Variants in MIP observed in about 807,000 individuals in gnomAD.
MIP encodes major intrinsic protein of lens fiber.
MIP carries 14 observed loss-of-function variants against 21.8 expected under a neutral mutation model. The observed-to-expected ratio is 0.64, with a 90% CI of 0.42 to 1.00. The LOEUF (loss-of-function observed/expected upper bound fraction) is 1.00. Among genes scored for constraint, MIP ranks in the 50% least tolerant of loss-of-function variants. The pLI, the probability that MIP is intolerant of heterozygous loss-of-function variation, is 0.00. For synonymous variants in MIP, 133 were observed against 141.4 expected, an observed-to-expected ratio of 0.94 and a Z score of 0.42; for missense variants, 260 against 333.5, an observed-to-expected ratio of 0.78 and a Z score of 1.72.
chr12:56,453,342 A>G (rs1868680392), intron 2 of MIP, among the ~76,000 whole-genome samples, 190 bp from the exon 3 acceptor site: 1 of 152,162 alleles, frequency 6.6e-6, no homozygotes, highest in Admixed American at 6.5e-5. Context: ...CTGGGAACAG[A>G]CTATGGATCC....
chr12:56,453,809 C>A, intron 1 of MIP, 54 bp from the exon 2 acceptor site: 2 of 1,558,100 alleles, frequency 1.3e-6, no homozygotes, highest in South Asian at 1.1e-5. Context: ...ACAGTGTTAC[C>A]TCCTCAAGAC....
intron 2 of MIP, 110 bp downstream of exon 2, chr12:56,453,481 G>T: frequency 2.4e-6 from 3 of 1,241,670 alleles, no homozygotes; most frequent in Non-Finnish European, 3.5e-6. Context: ...GAGTGCAATG[G>T]ACAATGTTCA....
rs1186024691 is a variant in MIP at position 56,450,058 on chromosome 12, T to C, written c.*1222A>G. ...CCCCCTCTCAAAAAAAAAAAGAAGA[T>C]AGGGCTCAAACAAATAATAATCTCC... On this transcript the variant is annotated 3_prime_UTR_variant, in exon 4 of 4. Transcript: ENST00000652304. 1.3e-5 allele frequency: 2 copies of C among 148,236 alleles called. No individual in the cohort carries two copies. Among genetic ancestry groups the C allele is most frequent in the South Asian group, 4.2e-4 (2 of 4,738 alleles). 9.2% of individuals were successfully genotyped at this position (148,236 alleles called of 1,614,324 possible).
At chr12:56,453,017 C>T in intron 3 of MIP, 55 bp downstream of exon 3, 1 of 1,192,566 alleles carries the variant, frequency 8.4e-7, no homozygotes, top group Non-Finnish European at 1.3e-6. Flanking sequence ...CTGGAACCTG[C>T]AGTCCACAAC....
Position 56,454,383 on chromosome 12 carries a change from C to A in MIP, c.231G>T (p.Val77=), listed in dbSNP as rs758534279. The change falls in exon 1 of 4, where the codon GTG becomes GTT. Residue 77 remains valine, a synonymous_variant. Coordinates refer to ENST00000652304, the MANE Select transcript of MIP (RefSeq NM_012064.4). ...CACGGAGCAGGGACATCTGGGAGCC[C>A]ACAAGGAAAGCAAAAGTGACTGCAG... is the stretch of plus-strand genomic sequence containing the variant. The part of the protein sequence containing the change: ...VNPAVTFAFL[V]GSQMSLLRAF... 1.2e-6 allele frequency: 2 copies of A among 1,614,114 alleles called. No individual in the cohort carries two copies. Among genetic ancestry groups the A allele is most frequent in the East Asian group, 4.5e-5 (2 of 44,882 alleles).
chr12:56,453,201 C>G (rs1361498839), intron 2 of MIP, 49 bp from the exon 3 acceptor site: 2 of 1,338,292 alleles, frequency 1.5e-6, no homozygotes, highest in Non-Finnish European at 2.2e-6. Context: ...TGCACCCCAG[C>G]TTCTCTCCCC....
At chr12:56,452,841 T>C in intron 3 of MIP, 3 of 580,496 alleles carry the variant, frequency 5.2e-6, no homozygotes, top group Non-Finnish European at 9.3e-6. Context: ...GAATACTCAG[T>C]GCATACTCCC....
chr12:56,452,823 C>A, intron 3 of MIP: 1 of 546,528 alleles, frequency 1.8e-6, no homozygotes, highest in Non-Finnish European at 3.3e-6. Context: ...GCTAGTTCAG[C>A]AACCAGTGAA....
chr12:56,451,564 A>G, intron 3 of MIP, 99 bp from the exon 4 acceptor site: 1 of 963,212 alleles, frequency 1.0e-6, no homozygotes, highest in Non-Finnish European at 1.6e-6. Flanking sequence ...GATATTGTAC[A>G]CTTGATATCT....
chr12:56,451,792 C>T (rs1382302416), intron 3 of MIP, among the ~76,000 whole-genome samples: 3 of 152,148 alleles, frequency 2.0e-5, no homozygotes, highest in Non-Finnish European at 4.4e-5. Context: ...CTTTGGGAGG[C>T]TGAGACGGGC....
Position 56,453,620 on chromosome 12 carries a change from A to G in MIP, c.496T>C (p.Phe166Leu). 16 of 1,614,266 alleles carry G rather than the reference A, an allele frequency of 9.9e-6. No individual in the cohort carries two copies. Among genetic ancestry groups the G allele is most frequent in the African/African-American group, 1.3e-5 (1 of 75,078 alleles). The change falls in exon 2 of 4, where the codon TTC becomes CTC. Residue 166 changes from phenylalanine (F) to leucine (L), a missense_variant. Physicochemically the swap from Phe to Leu is conservative, Grantham distance 22. Coordinates refer to ENST00000652304, the MANE Select transcript of MIP (RefSeq NM_012064.4). ...AAGAGGTGCCCCAGGGCAAGGGAGA[A>G]GCCAACGGCCAGGGCCACGGAGCCC... Reference protein sequence around the residue: ...QLGSVALAVGFSLALGHLFGM... With the variant: ...QLGSVALAVGLSLALGHLFGM...
chr12:56,455,823 G>A (rs917391289), upstream of MIP, among the ~76,000 whole-genome samples: 1 of 152,190 alleles, frequency 6.6e-6, no homozygotes, highest in Admixed American at 6.5e-5. Context: ...AAGCACCAGA[G>A]AGCAGAAATT....
rs577852061 is a variant in MIP, at chr12:56,451,244, C to G, written c.*36G>C. 2 of 1,605,764 alleles carry G rather than the reference C, an allele frequency of 1.2e-6. No homozygotes were observed. The highest frequency in any genetic ancestry group is 4.5e-5 in the East Asian group (2 of 44,858). ...CTGGCTAAACCCCTCCACGTAAACT[C>G]AGAAGCTTTCTACTCCCTCTATTCA... On this transcript the variant is annotated 3_prime_UTR_variant, in exon 4 of 4. Transcript: ENST00000652304.
chr12:56,453,590 C>A lies in MIP; in HGVS notation c.525+1G>T. 6.2e-7 allele frequency: 1 copy of A among 1,614,250 alleles called. No individual in the cohort carries two copies. Among genetic ancestry groups the A allele is most frequent in the Non-Finnish European group, 8.5e-7 (1 of 1,180,048 alleles). ...GAGAAGTTGCTCTCCTTCCTGCTTA[C>A]CCCAAAGAGGTGCCCCAGGGCAAGG... On this transcript the variant is annotated splice_donor_variant, in intron 2 of 3. Transcript: ENST00000652304. LOFTEE classifies it high-confidence loss of function.
Position 56,451,378 on chromosome 12 carries a change from C to G in MIP, c.694G>C (p.Glu232Gln), listed in dbSNP as rs773085032. The G allele has an allele frequency of 2.5e-6, 4 of 1,614,020 alleles. No homozygotes were observed. In the Admixed American group the frequency reaches 5.0e-5, roughly 20 times the overall value. ...GCACCCTTGAGGACAGACAGTCTCT[C>G]AGAAATACTCTTGAGCCGGGGGAAG... is the stretch of plus-strand genomic sequence containing the variant. Reference protein sequence around the residue: ...LLFPRLKSISERLSVLKGAKP... With the variant: ...LLFPRLKSISQRLSVLKGAKP... The change falls in exon 4 of 4, where the codon GAG (glutamate) becomes CAG (glutamine). Residue 232 changes from glutamate (E) to glutamine (Q), a missense_variant. Transcript: ENST00000652304.
chr12:56,451,372 GTC>G lies in MIP; in HGVS notation c.698_699del (p.Arg233ThrfsTer24), dbSNP rs2136164671. On this transcript the variant is annotated frameshift_variant, in exon 4 of 4. Transcript: ENST00000652304. LOFTEE classifies it high-confidence loss of function. Reference protein sequence around the residue: ...LFPRLKSISERLSVLKGAKPD... With the variant: ...LFPRLKSISEXLSVLKGAKPD... ...GGTTTGGCACCCTTGAGGACAGACA[GTC>G]TCTCAGAAATACTCTTGAGCCGGGG... 6.2e-7 allele frequency: 1 copy of G among 1,614,120 alleles called. No individual in the cohort carries two copies. Among genetic ancestry groups the G allele is most frequent in the Non-Finnish European group, 8.5e-7 (1 of 1,179,974 alleles).
chr12:56,456,276 C>T (rs1868788020), upstream of MIP, among the ~76,000 whole-genome samples: 1 of 152,144 alleles, frequency 6.6e-6, no homozygotes, highest in South Asian at 2.1e-4. Flanking sequence ...GAGAGGGTAG[C>T]ACATCATGGT....
chr12:56,454,153 C>T, intron 1 of MIP, 101 bp downstream of exon 1: 2 of 1,514,160 alleles, frequency 1.3e-6, no homozygotes, highest in South Asian at 1.2e-5. Flanking sequence ...CACATATTGT[C>T]CCAGACCCCA....
Position 56,453,163 on chromosome 12 carries a change from G to C in MIP, c.526-11C>G. ...ACCAGTATAATACATCTGCAAAAGA[G>C]ACAGTTGTAACTGAGACACCCCCCT... On this transcript the variant is annotated splice_polypyrimidine_tract_variant and intron_variant, in intron 2 of 3. Coordinates refer to ENST00000652304, the MANE Select transcript of MIP (RefSeq NM_012064.4). 6.2e-7 allele frequency: 1 copy of C among 1,600,446 alleles called. No individual in the cohort carries two copies. The highest frequency in any genetic ancestry group is 8.6e-7 in the Non-Finnish European group (1 of 1,167,556).
Sources: allele counts gnomAD v4.1 joint callset (sites outside exome capture counted in the v4.1 genomes callset), GRCh38; gene constraint gnomAD v4.1.1; transcripts MANE v1.5; gene names NCBI Gene and HGNC (gene_info 2026-07-23, HGNC 2026-07-21).